CDH13: variants seen among roughly 807,000 people sequenced by gnomAD.
The protein encoded by CDH13 is cadherin 13.
In CDH13, 24 loss-of-function variants were observed where a neutral mutation model predicts 63.8. That is an observed-to-expected ratio of 0.38 (90% CI 0.27 to 0.53). The LOEUF is 0.53. CDH13 is among the 20% of genes least tolerant of loss of function. The pLI, the probability that CDH13 is intolerant of heterozygous loss-of-function variation, is 0.85. For missense variants in CDH13, 1,049 were observed against 903.1 expected, an observed-to-expected ratio of 1.16 and a Z score of -2.07; for synonymous variants, 503 against 355.3, an observed-to-expected ratio of 1.42 and a Z score of -4.67.
chr16:82,837,473 G>C (rs905507371), intron 1 of CDH13, among the ~76,000 whole-genome samples: 4 of 152,020 alleles, frequency 2.6e-5, no homozygotes, highest in African/African-American at 9.7e-5. Flanking sequence ...GCCACCCCCA[G>C]TTTCCTTGAT....
chr16:82,964,825 G>T (rs1412489512), intron 2 of CDH13, among the ~76,000 whole-genome samples: 1 of 152,222 alleles, frequency 6.6e-6, no homozygotes, highest in Non-Finnish European at 1.5e-5. Context: ...CGAAATGACT[G>T]ATCCTGGGTT....
chr16:82,820,215 G>T (rs2037938350), intron 1 of CDH13, among the ~76,000 whole-genome samples: 1 of 152,140 alleles, frequency 6.6e-6, no homozygotes, highest in African/African-American at 2.4e-5. Flanking sequence ...CACCACAAAG[G>T]AGATGAAATA....
intron 2 of CDH13, among the ~76,000 whole-genome samples, chr16:82,899,565 G>A (rs1048926784): frequency 3.9e-5 from 6 of 152,026 alleles, no homozygotes; most frequent in Non-Finnish European, 8.8e-5. Context: ...AATAAATGAG[G>A]CAATGCCTGC....
At chr16:82,957,365 A>G (rs1338543346) in intron 2 of CDH13, among the ~76,000 whole-genome samples, 1 of 152,216 alleles carries the variant, frequency 6.6e-6, no homozygotes, top group Non-Finnish European at 1.5e-5. Flanking sequence ...AAACATGGCA[A>G]TCCTGGCAGG....
chr16:83,594,419 A>T (rs1907062738), intron 7 of CDH13, among the ~76,000 whole-genome samples: 1 of 151,328 alleles, frequency 6.6e-6, no homozygotes, highest in Non-Finnish European at 1.5e-5. Flanking sequence ...GGTGATAATA[A>T]TTGATCACAT....
intron 8 of CDH13, among the ~76,000 whole-genome samples, chr16:83,624,084 G>A (rs768934501): frequency 2.6e-5 from 4 of 152,112 alleles, no homozygotes; most frequent in East Asian, 1.9e-4. Flanking sequence ...CAATGTGGAC[G>A]GGATGCTCCT....
chr16:82,661,850 G>T (rs887804435), intron 1 of CDH13, among the ~76,000 whole-genome samples: 3 of 152,252 alleles, frequency 2.0e-5, no homozygotes, highest in Non-Finnish European at 4.4e-5. Context: ...AACAACTAAG[G>T]TATGTCCTGT....
intron 6 of CDH13, among the ~76,000 whole-genome samples, chr16:83,430,582 T>C (rs1012308354): frequency 6.6e-6 from 1 of 152,160 alleles, no homozygotes; most frequent in African/African-American, 2.4e-5. Flanking sequence ...GTCTTATCCA[T>C]AGAATTTCCA....
chr16:83,185,203 C>A (rs189126964), intron 4 of CDH13, among the ~76,000 whole-genome samples: 130 of 152,218 alleles, frequency 8.5e-4, no homozygotes, highest in African/African-American at 2.8e-3. Flanking sequence ...GTGCTCTTTG[C>A]TGGTCTACAT....
chr16:83,270,647 T>G (rs1445156531), intron 5 of CDH13, among the ~76,000 whole-genome samples: 1 of 152,114 alleles, frequency 6.6e-6, no homozygotes, highest in East Asian at 1.9e-4. Context: ...TTGACACAGA[T>G]TCAGCACTCA....
At chr16:83,550,928 A>G (rs190502575) in intron 7 of CDH13, among the ~76,000 whole-genome samples, 2 of 151,964 alleles carry the variant, frequency 1.3e-5, no homozygotes, top group East Asian at 3.9e-4. Flanking sequence ...TGCATATTCC[A>G]TCTCAGGAAT....
At chr16:83,748,450 A>C (rs1002546739) in intron 11 of CDH13, among the ~76,000 whole-genome samples, 200 bp downstream of exon 11, 2 of 152,174 alleles carry the variant, frequency 1.3e-5, no homozygotes, top group Admixed American at 6.5e-5. Context: ...TCTTTTTGGA[A>C]AGTGAATAAT....
At chr16:82,839,185 C>G (rs2061629) in intron 1 of CDH13, among the ~76,000 whole-genome samples, 76,178 of 152,128 alleles carry the variant, frequency 0.5, 20,809 homozygotes, top group East Asian at 0.85. Context: ...GCAGGCTGCT[C>G]TGTCCTTCCA....
At chr16:82,934,136 G>C (rs905062203) in intron 2 of CDH13, among the ~76,000 whole-genome samples, 2 of 152,234 alleles carry the variant, frequency 1.3e-5, no homozygotes, top group African/African-American at 4.8e-5. Flanking sequence ...CAGAGGTTCT[G>C]CATGAGGGCT....
intron 6 of CDH13, among the ~76,000 whole-genome samples, chr16:83,420,072 G>C (rs1030309149): frequency 6.6e-6 from 1 of 152,044 alleles, no homozygotes; most frequent in African/African-American, 2.4e-5. Flanking sequence ...AGAGGGCAAA[G>C]AATTTCCCAG....
At chr16:83,687,840 C>G (rs1339581549) in intron 10 of CDH13, among the ~76,000 whole-genome samples, 3 of 152,200 alleles carry the variant, frequency 2.0e-5, no homozygotes, top group Non-Finnish European at 4.4e-5. Flanking sequence ...AAGCCTTGAT[C>G]CAAATTGAGC....
intron 2 of CDH13, among the ~76,000 whole-genome samples, chr16:83,021,727 A>G (rs536895571): frequency 9.2e-5 from 14 of 152,340 alleles, no homozygotes; most frequent in African/African-American, 3.1e-4. Context: ...ACCAAATTCT[A>G]TAAAGCCTTT....
rs928218202 is a variant in CDH13, at chr16:83,594,329, C to G, written c.961-8125C>G. 2.6e-5 allele frequency among the ~76,000 whole-genome samples: 4 copies of G among 152,192 alleles called. No individual in the cohort carries two copies. In the South Asian group the frequency reaches 8.3e-4, roughly 31 times the overall value. ...ATCCTATAAGGATTATTCTCCCCCA[C>G]TTTACAGATGAGGAAATGGAGGCAG... On this transcript the variant is annotated intron_variant, in intron 7 of 13. Transcript: ENST00000567109.
intron 2 of CDH13, among the ~76,000 whole-genome samples, chr16:83,015,297 T>A (rs1253028602): frequency 6.6e-6 from 1 of 151,910 alleles, no homozygotes; most frequent in Non-Finnish European, 1.5e-5. Context: ...ATTTAAAGAC[T>A]ATCCACTGAG....
Sources: gnomAD v4.1 joint callset for allele counts (sites outside exome capture counted in the v4.1 genomes callset) on GRCh38, gnomAD v4.1.1 for gene constraint, MANE v1.5 for transcripts, NCBI Gene and HGNC (gene_info 2026-07-23, HGNC 2026-07-21) for gene names.